The following GCNT4 variants were observed in gnomAD, a reference collection of about 807,000 sequenced individuals.
The protein encoded by GCNT4 is beta-1,3-galactosyl-O-glycosyl-glycoprotein beta-1,6-N-acetylglucosaminyltransferase 4.
Under a neutral mutation model 31.3 loss-of-function variants are expected in GCNT4, and 17 were observed. The observed-to-expected ratio is 0.54, with a 90% CI of 0.37 to 0.81. GCNT4 has a LOEUF of 0.81. Ranked by LOEUF, GCNT4 falls within the 40% of genes least tolerant of loss-of-function variation. The pLI, the probability that GCNT4 is intolerant of heterozygous loss-of-function variation, is 0.00. For missense variants in GCNT4, 503 were observed against 525.5 expected (o/e 0.96, Z 0.42); for synonymous variants, 158 against 190.6 (o/e 0.83, Z 1.41).
At position 75,029,158 on chromosome 5, in the gene GCNT4, G is replaced by C; in HGVS notation, c.880C>G (p.His294Asp). The change falls in exon 4 of 4, where the codon CAT becomes GAT. Residue 294 changes from histidine (H) to aspartate (D), a missense_variant. Physicochemically the swap from His to Asp is moderately conservative, Grantham distance 81. Transcript: ENST00000652361. ...RTNISKEAPP[H>D]NIQIFVGSAY... ...CTGCCAACAAATATCTGAATGTTAT[G>C]GGGGGGTGCTTCCTTGGAGATGTTT... 4 of 1,613,286 alleles carry C rather than the reference G, an allele frequency of 2.5e-6. No individual in the cohort carries two copies. The highest frequency in any genetic ancestry group is 2.2e-5 in the South Asian group (2 of 91,054).
upstream of GCNT4, among the ~76,000 whole-genome samples, chr5:75,053,182 G>A (rs1743625710): frequency 6.6e-6 from 1 of 151,180 alleles, no homozygotes. Context: ...GGCTGCCGCG[G>A]GGAGCCCCGA....
intron 3 of GCNT4, among the ~76,000 whole-genome samples, chr5:75,035,874 T>A (rs1743186745): frequency 6.6e-6 from 1 of 152,246 alleles, no homozygotes; most frequent in Non-Finnish European, 1.5e-5. Flanking sequence ...CTTATTGTCC[T>A]GTTTTTCAAT....
Position 75,028,976 on chromosome 5 carries a change from T to C in GCNT4, c.1062A>G (p.Arg354=). The change falls in exon 4 of 4, where the codon AGA becomes AGG. Residue 354 remains arginine (R), a synonymous_variant. Coordinates refer to ENST00000652361, the MANE Select transcript of GCNT4 (RefSeq NM_001366737.1). ...GCAGATCAGACACATCCTGGGCTGATCTGGAAATCTCCCCAGGTATTCCTG... is the reference window on the plus strand; with the variant it reads ...GCAGATCAGACACATCCTGGGCTGACCTGGAAATCTCCCCAGGTATTCCTG... The part of the protein sequence containing the change: ...RVPGIPGEIS[R]SAQDVSDLQS... The C allele has an allele frequency of 6.2e-7, 1 of 1,614,016 alleles. No homozygotes were observed. The highest frequency in any genetic ancestry group is 8.5e-7 in the Non-Finnish European group (1 of 1,179,988).
chr5:75,018,457 T>G, the GCNT4 span, among the ~76,000 whole-genome samples: 3 of 152,070 alleles, frequency 2.0e-5, no homozygotes, highest in Admixed American at 6.6e-5. Context: ...AATTTTTGTA[T>G]TTTTAGTAGA....
the GCNT4 span, chr5:75,017,603 G>A: frequency 6.6e-6 from 1 of 152,248 alleles, no homozygotes; most frequent in South Asian, 2.1e-4. Flanking sequence ...AGATGCTTTA[G>A]GAAGGGGGTG....
At chr5:75,042,426 G>A (rs1743341786) in intron 3 of GCNT4, among the ~76,000 whole-genome samples, 1 of 151,904 alleles carries the variant, frequency 6.6e-6, no homozygotes, top group South Asian at 2.1e-4. Context: ...GTATTATATG[G>A]CTAACTCCAT....
intron 3 of GCNT4, among the ~76,000 whole-genome samples, chr5:75,045,227 C>T (rs376508784): frequency 6.6e-6 from 1 of 152,282 alleles, no homozygotes; most frequent in South Asian, 2.1e-4. Flanking sequence ...CACCACAATC[C>T]ATCCACAGAA....
At chr5:75,048,942 C>T (rs1580248116) in intron 2 of GCNT4, among the ~76,000 whole-genome samples, 2 of 152,172 alleles carry the variant, frequency 1.3e-5, no homozygotes, top group Non-Finnish European at 1.5e-5. Flanking sequence ...CTGAGCCTCA[C>T]GGGTTCCCAG....
chr5:75,031,287 G>T (rs1437493973), intron 3 of GCNT4, among the ~76,000 whole-genome samples: 1 of 152,076 alleles, frequency 6.6e-6, no homozygotes, highest in South Asian at 2.1e-4. Flanking sequence ...GCCCAGGCTG[G>T]TCGTGAACAC....
intron 3 of GCNT4, among the ~76,000 whole-genome samples, chr5:75,038,125 GTTTC>G (rs1743242008): frequency 6.6e-6 from 1 of 151,638 alleles, no homozygotes; most frequent in African/African-American, 2.4e-5. Flanking sequence ...TGTCTTACCT[GTTTC>G]TTTCATTTCA....
intron 3 of GCNT4, among the ~76,000 whole-genome samples, chr5:75,041,118 T>C (rs7730062): frequency 0.18 from 27,541 of 152,310 alleles, 2,569 homozygotes; most frequent in Middle Eastern, 0.23. Context: ...TTATCTTTTA[T>C]GGGCAATTCT....
At chr5:75,020,536 G>C (rs1742869877), downstream of GCNT4, among the ~76,000 whole-genome samples, 1 of 151,948 alleles carries the variant, frequency 6.6e-6, no homozygotes, top group Admixed American at 6.6e-5. Flanking sequence ...CTGCTGATGA[G>C]AGAGCTGCTG....
At chr5:75,043,010 A>C (rs1743353956) in intron 3 of GCNT4, among the ~76,000 whole-genome samples, 1 of 152,200 alleles carries the variant, frequency 6.6e-6, no homozygotes. Context: ...CAACCTACCA[A>C]AAGTCAAATC....
chr5:75,019,745 C>A, the GCNT4 span, among the ~76,000 whole-genome samples: 3 of 152,164 alleles, frequency 2.0e-5, no homozygotes, highest in Non-Finnish European at 1.5e-5. Context: ...GTAATATACA[C>A]AAGGAGCTGA....
downstream of GCNT4, chr5:75,023,735 T>C (rs554946649): frequency 2.6e-5 from 4 of 152,344 alleles, no homozygotes; most frequent in East Asian, 7.7e-4. Flanking sequence ...GTTAGAATTA[T>C]GAATATACGT....
At chr5:75,044,965 GCA>G (rs1483553432) in intron 3 of GCNT4, among the ~76,000 whole-genome samples, 2 of 152,170 alleles carry the variant, frequency 1.3e-5, no homozygotes, top group East Asian at 3.8e-4. Flanking sequence ...AGTTTTAGTA[GCA>G]CAGTTTTGAA....
chr5:75,028,347 G>T lies in GCNT4; in HGVS notation c.*329C>A. The T allele has an allele frequency of 4.2e-6, 1 of 236,502 alleles. No homozygotes were observed. The allele number at this position is 236,502 out of a possible 1,614,324, so 14.7% of individuals were successfully genotyped here. Reference sequence around the variant, plus strand: ...GTTATGTGGAGAACTTAAAGATACCGAGGTTGCTATGATGAGGATAAGCCG... The same window carrying T: ...GTTATGTGGAGAACTTAAAGATACCTAGGTTGCTATGATGAGGATAAGCCG... On this transcript the variant is annotated 3_prime_UTR_variant, in exon 4 of 4. Coordinates refer to ENST00000652361, the MANE Select transcript of GCNT4 (RefSeq NM_001366737.1).
At chr5:75,053,101 C>T (rs530026777), upstream of GCNT4, among the ~76,000 whole-genome samples, 6 of 152,042 alleles carry the variant, frequency 3.9e-5, no homozygotes, top group South Asian at 8.3e-4. Context: ...GGACACGCTC[C>T]GCGCCCGCCG....
At chr5:75,043,064 G>A (rs1743354917) in intron 3 of GCNT4, among the ~76,000 whole-genome samples, 1 of 152,096 alleles carries the variant, frequency 6.6e-6, no homozygotes, top group Admixed American at 6.6e-5. Context: ...TCTCCTACAA[G>A]GATCCCTTCT....
Sources: gnomAD v4.1 joint callset for allele counts (sites outside exome capture counted in the v4.1 genomes callset) on GRCh38, gnomAD v4.1.1 for gene constraint, MANE v1.5 for transcripts, NCBI Gene and HGNC (gene_info 2026-07-23, HGNC 2026-07-21) for gene names.